MALRD1: variants seen among roughly 807,000 people sequenced by gnomAD.
The protein encoded by MALRD1 is MAM and LDL receptor class A domain containing 1.
Under a neutral mutation model 242.1 loss-of-function variants are expected in MALRD1, and 247 were observed. The observed-to-expected ratio is 1.02, with a 90% confidence interval of 0.92 to 1.13. The LOEUF (loss-of-function observed/expected upper bound fraction) is 1.13. Ranked by LOEUF, MALRD1 falls within the 50% of genes most tolerant of loss-of-function variation. The pLI is 0.00. For missense variants in MALRD1, 2,989 were observed against 2,533.1 expected (o/e 1.18, Z -3.86); for synonymous variants, 995 against 866.6 (o/e 1.15, Z -2.60).
intron 28 of MALRD1, among the ~76,000 whole-genome samples, chr10:19,433,128 G>T (rs1274090482): frequency 2.6e-5 from 4 of 152,260 alleles, no homozygotes; most frequent in African/African-American, 9.6e-5. Context: ...TAATCAAAGA[G>T]ACAGATATTT....
chr10:19,702,923 C>A (rs1169324772), intron 38 of MALRD1, among the ~76,000 whole-genome samples: 2 of 152,106 alleles, frequency 1.3e-5, no homozygotes, highest in African/African-American at 4.8e-5. Flanking sequence ...TTTTGTATTG[C>A]TTTTTAAAAA....
intron 35 of MALRD1, among the ~76,000 whole-genome samples, chr10:19,614,292 CA>C (rs1839035768): frequency 6.6e-6 from 1 of 151,960 alleles, no homozygotes; most frequent in Non-Finnish European, 1.5e-5. Context: ...TCAGTGTGAA[CA>C]ACTATACTAA....
chr10:19,380,576 C>T (rs1845794342), intron 26 of MALRD1, among the ~76,000 whole-genome samples: 1 of 152,020 alleles, frequency 6.6e-6, no homozygotes, highest in Non-Finnish European at 1.5e-5. Context: ...ATTTTCTCTT[C>T]CTCTTACATT....
intron 32 of MALRD1, among the ~76,000 whole-genome samples, chr10:19,548,162 G>A (rs1835325395): frequency 6.6e-6 from 1 of 150,674 alleles, no homozygotes; most frequent in Non-Finnish European, 1.5e-5. Flanking sequence ...ACCACCCCTG[G>A]CTAATTTTGT....
At chr10:19,695,207 A>T (rs1833316125) in intron 38 of MALRD1, among the ~76,000 whole-genome samples, 1 of 152,166 alleles carries the variant, frequency 6.6e-6, no homozygotes, top group African/African-American at 2.4e-5. Context: ...GTACCCTAGA[A>T]CTTAAAGTAT....
At chr10:19,477,563 A>T (rs1836796805) in intron 29 of MALRD1, among the ~76,000 whole-genome samples, 1 of 152,196 alleles carries the variant, frequency 6.6e-6, no homozygotes, top group Non-Finnish European at 1.5e-5. Context: ...TCATTGTCTC[A>T]TGCCAGAGAA....
chr10:19,564,686 G>C (rs1237285481), intron 32 of MALRD1, among the ~76,000 whole-genome samples: 1 of 152,034 alleles, frequency 6.6e-6, no homozygotes, highest in Non-Finnish European at 1.5e-5. Flanking sequence ...TGCCGTTTTA[G>C]TTAAGTATGT....
intron 19 of MALRD1, among the ~76,000 whole-genome samples, chr10:19,266,791 A>C (rs1026503129): frequency 6.6e-6 from 1 of 152,006 alleles, no homozygotes; most frequent in African/African-American, 2.4e-5. Context: ...ATACATTTCT[A>C]CAGTTCTTTG....
intron 29 of MALRD1, chr10:19,489,536 T>A (rs1348894329): frequency 7.0e-6 from 4 of 569,726 alleles, no homozygotes; most frequent in Admixed American, 2.4e-5. Context: ...AAGGAGGGAA[T>A]CCCATCTCAT....
Position 19,176,366 on chromosome 10 carries a change from C to CTTTT in MALRD1, c.1951+1054_1951+1057dup, listed in dbSNP as rs11443184. On this transcript the variant is annotated intron_variant, in intron 14 of 39. Coordinates refer to ENST00000454679, the MANE Select transcript of MALRD1 (RefSeq NM_001142308.3). ...TCGAGAGAGTGTATATTTCTGGGTGCTTTTTTTTTTTTTTTTTTTGAGACG... is the reference window on the plus strand; with the variant it reads ...TCGAGAGAGTGTATATTTCTGGGTGCTTTTTTTTTTTTTTTTTTTTTTTGAGACG... 2.5e-4 allele frequency among the ~76,000 whole-genome samples: 22 copies of CTTTT among 87,292 alleles called. 2 individuals carry two copies. The highest frequency in any genetic ancestry group is 3.0e-4 in the South Asian group (1 of 3,364). 57.3% of individuals were successfully genotyped at this position (87,292 alleles called of 152,430 possible).
At chr10:19,127,783 C>T (rs1372498804) in intron 7 of MALRD1, among the ~76,000 whole-genome samples, 4 of 151,758 alleles carry the variant, frequency 2.6e-5, no homozygotes, top group African/African-American at 9.7e-5. Context: ...GTTGTATTTC[C>T]TAAAACTATA....
chr10:19,494,712 A>G lies in MALRD1; in HGVS notation c.5158+3067A>G, dbSNP rs140709801. ...GAAGACTGGATTACTGAAAAAACAT[A>G]GACAAAAATAAAGAAAAAAGAATAA... On this transcript the variant is annotated intron_variant, in intron 30 of 39. Coordinates refer to ENST00000454679, the MANE Select transcript of MALRD1 (RefSeq NM_001142308.3). Among the ~76,000 whole-genome samples the G allele has an allele frequency of 2.4e-3, 370 of 152,272 alleles. 7 individuals are homozygous for G. In the East Asian group the frequency reaches 0.05, roughly 21 times the overall value.
intron 31 of MALRD1, among the ~76,000 whole-genome samples, chr10:19,500,049 C>T (rs994811797): frequency 5.3e-5 from 8 of 152,056 alleles, no homozygotes; most frequent in Non-Finnish European, 1.2e-4. Flanking sequence ...CTGTGTTTAT[C>T]AGGGATATTG....
intron 21 of MALRD1, among the ~76,000 whole-genome samples, chr10:19,317,426 A>C (rs1588900851): frequency 6.6e-6 from 1 of 152,008 alleles, no homozygotes; most frequent in Admixed American, 6.6e-5. Flanking sequence ...TCAACATACA[A>C]ATTTTGGGGT....
chr10:19,108,143 T>G (rs1349077967), intron 5 of MALRD1, among the ~76,000 whole-genome samples: 1 of 152,110 alleles, frequency 6.6e-6, no homozygotes, highest in African/African-American at 2.4e-5. Context: ...TTTGTCTGCT[T>G]AATGGTTTCC....
chr10:19,290,829 G>T (rs906062048), intron 21 of MALRD1, among the ~76,000 whole-genome samples: 1 of 152,146 alleles, frequency 6.6e-6, no homozygotes, highest in East Asian at 1.9e-4. Context: ...AATATACTTA[G>T]AATACTGTAT....
intron 34 of MALRD1, among the ~76,000 whole-genome samples, chr10:19,601,440 T>C (rs866492093): frequency 6.6e-6 from 1 of 151,954 alleles, no homozygotes; most frequent in Admixed American, 6.6e-5. Flanking sequence ...ATTAGATGCA[T>C]TCATAATTTA....
At chr10:19,116,111 T>A (rs1216238299) in intron 5 of MALRD1, among the ~76,000 whole-genome samples, 2 of 152,138 alleles carry the variant, frequency 1.3e-5, no homozygotes, top group Non-Finnish European at 2.9e-5. Flanking sequence ...TCACTTTAGA[T>A]TTTACCAAAG....
intron 18 of MALRD1, among the ~76,000 whole-genome samples, chr10:19,250,970 T>C (rs890013852): frequency 1.3e-5 from 2 of 151,922 alleles, no homozygotes; most frequent in Non-Finnish European, 2.9e-5. Context: ...TTATTATTAT[T>C]TACTCTCTGC....
Sources: gnomAD v4.1 joint callset for allele counts (sites outside exome capture counted in the v4.1 genomes callset) on GRCh38, gnomAD v4.1.1 for gene constraint, MANE v1.5 for transcripts, NCBI Gene and HGNC (gene_info 2026-07-23, HGNC 2026-07-21) for gene names.